CERT1: variants seen among roughly 807,000 people sequenced by gnomAD.
CERT1 encodes the protein ceramide transporter 1.
In CERT1, 31 loss-of-function variants were observed where a neutral mutation model predicts 87.9. The ratio of observed to expected loss-of-function variants is 0.35; its 90% CI spans 0.27 to 0.48. The LOEUF is 0.48. CERT1 is among the 20% of genes least tolerant of loss of function. CERT1 has a pLI of 0.99. For synonymous variants in CERT1, 289 were observed against 250.9 expected (o/e 1.15, Z -1.44); for missense variants, 487 against 758.0 (o/e 0.64, Z 4.20).
chr5:75,459,060 C>G lies in CERT1; in HGVS notation c.348+5G>C. On this transcript the variant is annotated splice_donor_5th_base_variant and intron_variant, in intron 3 of 16. Coordinates refer to ENST00000643780, the MANE Select transcript of CERT1 (RefSeq NM_001379029.1). ...CCATGGACAGGTAAACATTAGGGAT[C>G]TTACCTTGTGCTGTTCAATGGCATC... 6.5e-7 allele frequency: 1 copy of G among 1,547,154 alleles called. No homozygotes were observed. Among genetic ancestry groups the G allele is most frequent in the Non-Finnish European group, 8.9e-7 (1 of 1,119,348 alleles).
intron 5 of CERT1, among the ~76,000 whole-genome samples, chr5:75,422,288 T>C (rs1453464413): frequency 6.6e-6 from 1 of 152,128 alleles, no homozygotes; most frequent in Admixed American, 6.6e-5. Context: ...ACTACCCCTT[T>C]ACCATAACCT....
At chr5:75,374,591 C>G, downstream of CERT1, 1 of 700,150 alleles carries the variant, frequency 1.4e-6, no homozygotes. Context: ...TCATTTGAAA[C>G]ACAGTGAAGG....
chr5:75,403,764 T>C (rs1044868970), intron 8 of CERT1, among the ~76,000 whole-genome samples: 2 of 152,234 alleles, frequency 1.3e-5, no homozygotes, highest in Non-Finnish European at 2.9e-5. Flanking sequence ...GGAGACTTCT[T>C]ACAATGAAAA....
At chr5:75,508,687 T>C (rs1036034264) in intron 1 of CERT1, among the ~76,000 whole-genome samples, 3 of 152,050 alleles carry the variant, frequency 2.0e-5, no homozygotes, top group Non-Finnish European at 4.4e-5. Flanking sequence ...GAAAAAAATA[T>C]ATATTTAGAA....
chr5:75,459,039 G>GGAC, intron 3 of CERT1, 26 bp downstream of exon 3: 1 of 1,336,018 alleles, frequency 7.5e-7, no homozygotes, highest in South Asian at 1.2e-5. Context: ...AGTCCTCCAT[G>GGAC]GACAGGTAAA....
At chr5:75,450,367 T>C (rs113970556) in intron 3 of CERT1, among the ~76,000 whole-genome samples, 57 of 152,298 alleles carry the variant, frequency 3.7e-4, no homozygotes, top group African/African-American at 8.9e-4. Flanking sequence ...GAACAGACTC[T>C]ATAGCTTCCA....
chr5:75,375,651 T>TTA (rs1305201097), downstream of CERT1: 4 of 146,790 alleles, frequency 2.7e-5, no homozygotes, highest in South Asian at 2.1e-4. Flanking sequence ...AAAATATATA[T>TTA]TATATATAAT....
rs369456620 is a variant in CERT1 at position 75,504,377 on chromosome 5, G to C, written c.231+1605C>G. On this transcript the variant is annotated intron_variant, in intron 2 of 16. Transcript: ENST00000643780. Reference sequence around the variant, plus strand: ...ATTGTCTCTAAGAATAGAGAGCGTAGTTTCATTATCAACACTTCCAAATAT... The same window carrying C: ...ATTGTCTCTAAGAATAGAGAGCGTACTTTCATTATCAACACTTCCAAATAT... 1.4e-4 allele frequency among the ~76,000 whole-genome samples: 21 copies of C among 152,192 alleles called. No individual in the cohort carries two copies. The East Asian group carries it at 4.1e-3, about 29-fold the overall frequency.
intron 3 of CERT1, among the ~76,000 whole-genome samples, chr5:75,441,002 A>C (rs542343333): frequency 1.3e-5 from 2 of 152,072 alleles, no homozygotes; most frequent in Non-Finnish European, 2.9e-5. Context: ...ACACTCAACT[A>C]TCAGCCTCTA....
intron 13 of CERT1, among the ~76,000 whole-genome samples, chr5:75,385,605 T>C (rs1424288049): frequency 3.3e-5 from 5 of 152,252 alleles, no homozygotes; most frequent in African/African-American, 4.8e-5. Flanking sequence ...CATATAGCTC[T>C]TGTTGCCTTT....
At position 75,491,208 on chromosome 5, in the gene CERT1, G is replaced by A. The variant is rs569603197; in HGVS notation, c.231+14774C>T. ...TTAATGGCATCTTTTTCTTTCTGTC[G>A]TTTGCCAAAGTCTAGATACCTCAGT... On this transcript the variant is annotated intron_variant, in intron 2 of 16. Transcript: ENST00000643780. Among the ~76,000 whole-genome samples the A allele has an allele frequency of 9.4e-4, 143 of 151,902 alleles. 1 individual carries two copies. The highest frequency in any genetic ancestry group is 3.2e-3 in the African/African-American group (134 of 41,420).
At chr5:75,435,309 CTA>C (rs1302920060) in intron 3 of CERT1, among the ~76,000 whole-genome samples, 2 of 152,168 alleles carry the variant, frequency 1.3e-5, no homozygotes, top group African/African-American at 4.8e-5. Context: ...CCTAAAATGG[CTA>C]TGTCATCTTT....
intron 2 of CERT1, among the ~76,000 whole-genome samples, chr5:75,461,965 T>C (rs1765252324): frequency 6.6e-6 from 1 of 152,222 alleles, no homozygotes; most frequent in Admixed American, 6.5e-5. Flanking sequence ...GATTGTTTCA[T>C]TCAGTAACAA....
intron 8 of CERT1, among the ~76,000 whole-genome samples, chr5:75,408,966 GAT>G (rs1762822032): frequency 6.6e-6 from 1 of 151,844 alleles, no homozygotes; most frequent in African/African-American, 2.4e-5. Context: ...TGGAAGCAGA[GAT>G]AAATATGTAC....
chr5:75,451,582 C>T (rs1346015124), intron 3 of CERT1, among the ~76,000 whole-genome samples: 1 of 152,130 alleles, frequency 6.6e-6, no homozygotes, highest in Non-Finnish European at 1.5e-5. Flanking sequence ...CCCAGTTAAA[C>T]CACATTCAAA....
intron 3 of CERT1, among the ~76,000 whole-genome samples, chr5:75,457,909 CGTGTGTGTGT>C (rs34777423): frequency 6.9e-6 from 1 of 144,282 alleles, no homozygotes; most frequent in Non-Finnish European, 1.5e-5. Flanking sequence ...TATAGGCGCG[CGTGTGTGTGT>C]GTGTGTGGTG....
chr5:75,490,309 A>G (rs1367359216), intron 2 of CERT1, among the ~76,000 whole-genome samples: 2 of 123,502 alleles, frequency 1.6e-5, no homozygotes, highest in African/African-American at 5.3e-5. Context: ...ACAAACCTGC[A>G]CATTCTGCAC....
At chr5:75,385,204 G>T (rs1399660347) in intron 13 of CERT1, among the ~76,000 whole-genome samples, 2 of 152,116 alleles carry the variant, frequency 1.3e-5, no homozygotes, top group Non-Finnish European at 2.9e-5. Flanking sequence ...TGGGTGCAGT[G>T]GCTCACATCT....
intron 7 of CERT1, among the ~76,000 whole-genome samples, chr5:75,412,902 A>T (rs1212933950): frequency 6.6e-6 from 1 of 152,180 alleles, no homozygotes; most frequent in Non-Finnish European, 1.5e-5. Flanking sequence ...ACATTTATTT[A>T]AAAATGTTCT....
Sources: gnomAD v4.1 joint callset for allele counts (sites outside exome capture counted in the v4.1 genomes callset) on GRCh38, gnomAD v4.1.1 for gene constraint, MANE v1.5 for transcripts, NCBI Gene and HGNC (gene_info 2026-07-23, HGNC 2026-07-21) for gene names.